ATP1A4: variants seen among roughly 807,000 people sequenced by gnomAD.
ATP1A4 encodes the protein ATPase Na+/K+ transporting subunit alpha 4.
A neutral mutation model predicts 114.3 loss-of-function variants in ATP1A4; 90 were observed. The ratio of observed to expected loss-of-function variants is 0.79; its 90% CI spans 0.66 to 0.94. The LOEUF is 0.94. Ranked by LOEUF, ATP1A4 falls within the 40% of genes least tolerant of loss-of-function variation. The pLI is 0.00. For missense variants in ATP1A4, 1,222 were observed against 1,313.6 expected (o/e 0.93, Z 1.08); for synonymous variants, 511 against 494.1 (o/e 1.03, Z -0.45).
chr1:160,156,508 G>C (rs779504230), intron 4 of ATP1A4, among the ~76,000 whole-genome samples: 1 of 151,974 alleles, frequency 6.6e-6, no homozygotes, highest in Non-Finnish European at 1.5e-5. Context: ...TTCAAATATC[G>C]ATGACCTCAA....
intron 9 of ATP1A4, 59 bp downstream of exon 9, chr1:160,167,136 C>G: frequency 6.3e-7 from 1 of 1,577,768 alleles, no homozygotes. Flanking sequence ...TGACCTCTCC[C>G]AAAAAATCCT....
chr1:160,177,841 C>T (rs749815625), intron 18 of ATP1A4, among the ~76,000 whole-genome samples, 177 bp downstream of exon 18: 5 of 152,264 alleles, frequency 3.3e-5, no homozygotes, highest in Non-Finnish European at 7.3e-5. Flanking sequence ...TCAGCCACAA[C>T]AGCAAATCCT....
In ATP1A4 at chr1:160,176,118, A is replaced by G; in HGVS notation, c.2338A>G (p.Lys780Glu). ...EGRLIFDNLK[K>E]SIMYTLTSNI... is the part of the protein sequence containing the mutation. ...CCGCCTGATCTTTGACAACCTGAAG[A>G]AATCCATCATGTACACCCTGACCAG... The change falls in exon 16 of 22, where the codon AAA (lysine) becomes GAA (glutamate). Residue 780 changes from lysine (K) to glutamate (E), a missense_variant. Transcript: ENST00000368081. The G allele has an allele frequency of 6.2e-7, 1 of 1,614,008 alleles. No homozygotes were observed. The highest frequency in any genetic ancestry group is 8.5e-7 in the Non-Finnish European group (1 of 1,179,994).
rs774725150 is a variant in ATP1A4, at chr1:160,186,308, G to A, written c.3002G>A (p.Ser1001Asn). ...ITWWLCAIPYSILIFVYDEIR... is the reference protein window; with the variant it reads ...ITWWLCAIPYNILIFVYDEIR... Reference sequence around the variant, plus strand: ...TGGTGGCTCTGTGCCATTCCCTACAGTATTCTCATCTTCGTCTATGATGAA... The same window carrying A: ...TGGTGGCTCTGTGCCATTCCCTACAATATTCTCATCTTCGTCTATGATGAA... Residue 1001 changes from serine to asparagine, a missense_variant, in exon 21 of 22, where the codon AGT becomes AAT. Coordinates refer to ENST00000368081, the MANE Select transcript of ATP1A4 (RefSeq NM_144699.4). 1 of 1,613,538 alleles carries A rather than the reference G, an allele frequency of 6.2e-7. No homozygotes were observed. The highest frequency in any genetic ancestry group is 8.5e-7 in the Non-Finnish European group (1 of 1,179,946).
intron 18 of ATP1A4, among the ~76,000 whole-genome samples, chr1:160,180,489 C>A (rs1488531442): frequency 6.6e-6 from 1 of 152,074 alleles, no homozygotes; most frequent in Non-Finnish European, 1.5e-5. Flanking sequence ...CTGTCTATTG[C>A]GCTGACATGG....
intron 7 of ATP1A4, among the ~76,000 whole-genome samples, 184 bp downstream of exon 7, chr1:160,164,608 C>T (rs149573562): frequency 9.2e-5 from 14 of 152,306 alleles, no homozygotes; most frequent in African/African-American, 3.4e-4. Flanking sequence ...ATTTCGGTGT[C>T]TTCTCTTTCC....
At chr1:160,162,272 G>A (rs974444802) in intron 6 of ATP1A4, among the ~76,000 whole-genome samples, 8 of 152,190 alleles carry the variant, frequency 5.3e-5, no homozygotes, top group African/African-American at 1.7e-4. Flanking sequence ...CAGTCATTAT[G>A]GTAAAGCAGG....
At chr1:160,154,823 T>C (rs543997023) in intron 2 of ATP1A4, among the ~76,000 whole-genome samples, 10 of 152,234 alleles carry the variant, frequency 6.6e-5, no homozygotes, top group South Asian at 6.2e-4. Context: ...TGTGAATCAA[T>C]CCATAAACAA....
Position 160,164,195 on chromosome 1 carries a change from C to T in ATP1A4, c.818C>T (p.Thr273Ile). 6.2e-7 allele frequency: 1 copy of T among 1,614,222 alleles called. No individual in the cohort carries two copies. Residue 273 changes from threonine to isoleucine, a missense_variant, in exon 7 of 22, where the codon ACA becomes ATA. Physicochemically the swap from Thr to Ile is moderately conservative, Grantham distance 89. Coordinates refer to ENST00000368081, the MANE Select transcript of ATP1A4 (RefSeq NM_144699.4). ...ATTGTGATTGCTACGGGAGACTCCACAGTGATGGGCAGAATTGCCTCCCTG... is the reference window on the plus strand; with the variant it reads ...ATTGTGATTGCTACGGGAGACTCCATAGTGATGGGCAGAATTGCCTCCCTG... ...RGIVIATGDS[T>I]VMGRIASLTS...
rs1343133184 is a variant in ATP1A4 at position 160,186,920 on chromosome 1, C to A, written c.*221C>A. On this transcript the variant is annotated 3_prime_UTR_variant, in exon 22 of 22. Transcript: ENST00000368081. ...CTAGCTGGAGCCCCGCAGGGAGGGG[C>A]ATGGTCCTGCTGAATCCCGTAGCCA... 2.0e-5 allele frequency: 12 copies of A among 608,934 alleles called. No homozygotes were observed. The East Asian group carries it at 3.1e-4, about 16-fold the overall frequency. 37.7% of individuals were successfully genotyped at this position (608,934 alleles called of 1,614,324 possible). A position where few individuals can be genotyped will look rare whatever the true frequency, so the allele number is the denominator to read the frequency against.
At chr1:160,178,160 A>T (rs1328027592) in intron 18 of ATP1A4, among the ~76,000 whole-genome samples, 3 of 150,780 alleles carry the variant, frequency 2.0e-5, no homozygotes, top group Non-Finnish European at 4.4e-5. Context: ...AGTTGAGACC[A>T]TCCTGGCCAA....
Position 160,180,796 on chromosome 1 carries a change from G to C in ATP1A4, c.2737-888G>C, listed in dbSNP as rs1653665684. The stretch of plus-strand genomic sequence containing the variant: ...GTGGCATGATCTCGGCTCACTACAA[G>C]CTCCGCCTCCCGGGTTCACACCATT... On this transcript the variant is annotated intron_variant, in intron 18 of 21. Transcript: ENST00000368081. Among the ~76,000 whole-genome samples the C allele has an allele frequency of 1.1e-4, 14 of 130,304 alleles. 1 individual carries two copies. The South Asian group carries it at 3.7e-3, about 34-fold the overall frequency. 85.5% of individuals were successfully genotyped at this position (130,304 alleles called of 152,430 possible).
At chr1:160,178,964 A>T (rs1461815674) in intron 18 of ATP1A4, among the ~76,000 whole-genome samples, 1 of 152,206 alleles carries the variant, frequency 6.6e-6, no homozygotes, top group Non-Finnish European at 1.5e-5. Flanking sequence ...GGACACAGTA[A>T]ATTTTCATCA....
intron 2 of ATP1A4, among the ~76,000 whole-genome samples, chr1:160,154,784 C>T (rs539151266): frequency 1.5e-4 from 23 of 152,202 alleles, no homozygotes; most frequent in Non-Finnish European, 2.9e-4. Context: ...ACCTAGGACC[C>T]GAGATAGGTT....
At chr1:160,156,359 A>T (rs1028433234) in intron 4 of ATP1A4, among the ~76,000 whole-genome samples, 44 of 141,966 alleles carry the variant, frequency 3.1e-4, no homozygotes, top group Non-Finnish European at 1.1e-4. Context: ...GTCACCTATG[A>T]AGTGCTCTGA....
At chr1:160,172,530 T>C (rs1275950505) in intron 12 of ATP1A4, among the ~76,000 whole-genome samples, 2 of 152,186 alleles carry the variant, frequency 1.3e-5, no homozygotes, top group African/African-American at 2.4e-5. Flanking sequence ...TTGAACTTCA[T>C]GGGATGGCAG....
chr1:160,183,334 T>C (rs1347421134), intron 20 of ATP1A4: 1 of 152,242 alleles, frequency 6.6e-6, no homozygotes, highest in East Asian at 1.9e-4. Context: ...TTCTTGCTGT[T>C]ATTAATGCCA....
intron 15 of ATP1A4, among the ~76,000 whole-genome samples, chr1:160,175,794 A>C (rs1653438868): frequency 6.6e-6 from 1 of 152,110 alleles, no homozygotes; most frequent in Non-Finnish European, 1.5e-5. Context: ...AATCTTGTAA[A>C]GGCTTTTATA....
Position 160,186,343 on chromosome 1 carries a change from C to T in ATP1A4, c.3037C>T (p.Leu1013Phe), listed in dbSNP as rs114357990. The change falls in exon 21 of 22, where the codon CTC (leucine) becomes TTC (phenylalanine). Residue 1013 changes from leucine (L) to phenylalanine (F), a missense_variant. Transcript: ENST00000368081. ...CTTCGTCTATGATGAAATCAGAAAA[C>T]TCCTCATCCGTCAGCACCCGGATGG... ...LIFVYDEIRK[L>F]LIRQHPDGWV... is the part of the protein sequence containing the mutation. 1.4e-3 allele frequency: 2,267 copies of T among 1,613,736 alleles called. 23 individuals carry two copies. In the African/African-American group the frequency reaches 0.019, roughly 13 times the overall value.
Sources: allele counts gnomAD v4.1 joint callset (sites outside exome capture counted in the v4.1 genomes callset), GRCh38; gene constraint gnomAD v4.1.1; transcripts MANE v1.5; gene names NCBI Gene and HGNC (gene_info 2026-07-23, HGNC 2026-07-21).